Variants in BRCC3 observed in about 807,000 individuals in gnomAD.
The protein encoded by BRCC3 is BRCA1/BRCA2-containing complex subunit 3, also known as lys-63-specific deubiquitinase BRCC36.
Under a neutral mutation model 28.0 loss-of-function variants are expected in BRCC3, and 15 were observed. The observed-to-expected ratio is 0.54, with a 90% CI of 0.36 to 0.82. BRCC3 has a LOEUF of 0.82. BRCC3 is among the 40% of genes least tolerant of loss of function. The pLI is 0.01. For synonymous variants in BRCC3, 66 were observed against 80.3 expected (o/e 0.82, Z 0.95); for missense variants, 109 against 225.9 (o/e 0.48, Z 3.32).
chrX:155,083,200 A>G (rs782691880), intron 5 of BRCC3, among the ~76,000 whole-genome samples: 1 of 112,544 alleles, frequency 8.9e-6, no homozygotes, highest in African/African-American at 3.2e-5. Context: ...GGCCATGCCA[A>G]TTTGTAATAA....
chrX:155,085,384 G>A (rs782222921), intron 5 of BRCC3, among the ~76,000 whole-genome samples: 6 of 112,433 alleles, frequency 5.3e-5, no homozygotes, highest in Non-Finnish European at 9.4e-5. Flanking sequence ...CCACAAAGGG[G>A]CCCAGTGCAT....
At chrX:155,074,625 C>G (rs948658395) in intron 3 of BRCC3, among the ~76,000 whole-genome samples, 23 of 112,037 alleles carry the variant, frequency 2.1e-4, no homozygotes, top group Admixed American at 8.5e-4. Context: ...AAACAATTCA[C>G]CCTGGGCATC....
chrX:155,105,239 T>G (rs1447800236), intron 7 of BRCC3, among the ~76,000 whole-genome samples: 1 of 111,914 alleles, frequency 8.9e-6, no homozygotes, highest in Non-Finnish European at 1.9e-5. Context: ...TCCCAGCACT[T>G]TGGGAGGCCG....
chrX:155,093,385 G>A (rs1273731017), intron 7 of BRCC3, among the ~76,000 whole-genome samples: 4 of 109,195 alleles, frequency 3.7e-5, no homozygotes, highest in Non-Finnish European at 7.6e-5. Context: ...AATTACTTCC[G>A]TTACTCCCCA....
chrX:155,118,251 C>G (rs1160650563), intron 9 of BRCC3, among the ~76,000 whole-genome samples: 1 of 111,937 alleles, frequency 8.9e-6, no homozygotes, highest in Non-Finnish European at 1.9e-5. Context: ...AAAGAACAAA[C>G]TACTGAAACA....
At chrX:155,113,970 A>G (rs1440972344) in intron 7 of BRCC3, among the ~76,000 whole-genome samples, 2 of 111,587 alleles carry the variant, frequency 1.8e-5, no homozygotes, top group Non-Finnish European at 3.8e-5. Context: ...TCAGAAAATA[A>G]CAAGTGTTGG....
At chrX:155,074,332 A>G (rs1557293067) in intron 3 of BRCC3, among the ~76,000 whole-genome samples, 1 of 112,253 alleles carries the variant, frequency 8.9e-6, no homozygotes, top group African/African-American at 3.2e-5. Context: ...TCTTAAAAGA[A>G]TGGGCTACAA....
At position 155,122,117 on chromosome X, in the gene BRCC3, G is replaced by A. The variant is rs1311821987; in HGVS notation, c.*913G>A. Reference sequence around the variant, plus strand: ...ACTCCAACCTGTGTAACAGAGTGAGGCCTCATCTCAAAAAAAAAAAAAGGC... The same window carrying A: ...ACTCCAACCTGTGTAACAGAGTGAGACCTCATCTCAAAAAAAAAAAAAGGC... On this transcript the variant is annotated 3_prime_UTR_variant, in exon 11 of 11. Transcript: ENST00000330045. 3 of 103,504 alleles carry A rather than the reference G, an allele frequency of 2.9e-5. No individual in the cohort carries two copies. The highest frequency in any genetic ancestry group is 7.2e-5 in the African/African-American group (2 of 27,825). 8.5% of individuals were successfully genotyped at this position (103,504 alleles called of 1,213,427 possible).
At chrX:155,077,007 G>C (rs1173640527) in intron 3 of BRCC3, among the ~76,000 whole-genome samples, 163 bp from the exon 4 acceptor site, 1 of 111,988 alleles carries the variant, frequency 8.9e-6, no homozygotes, top group East Asian at 2.8e-4. Context: ...TATTGAGGTT[G>C]GGTGTCTTTT....
chrX:155,098,153 G>A (rs2074223179), intron 7 of BRCC3, among the ~76,000 whole-genome samples: 1 of 111,829 alleles, frequency 8.9e-6, no homozygotes, highest in Non-Finnish European at 1.9e-5. Flanking sequence ...GTGAAAACCA[G>A]GTTTATTTTC....
At chrX:155,083,278 CCTA>C (rs2074097102) in intron 5 of BRCC3, among the ~76,000 whole-genome samples, 1 of 112,398 alleles carries the variant, frequency 8.9e-6, no homozygotes, top group Admixed American at 9.4e-5. Context: ...TCAGTATGCT[CCTA>C]CTTTTTGCAA....
chrX:155,109,659 T>C (rs2074307790), intron 7 of BRCC3, among the ~76,000 whole-genome samples: 1 of 111,791 alleles, frequency 8.9e-6, no homozygotes, highest in Non-Finnish European at 1.9e-5. Context: ...TTAATCCTAA[T>C]GATTTATCTG....
At chrX:155,117,277 G>A (rs1557298950) in intron 9 of BRCC3, among the ~76,000 whole-genome samples, 2 of 112,106 alleles carry the variant, frequency 1.8e-5, no homozygotes. Flanking sequence ...AAAAGGGAAG[G>A]CATGAGGGAG....
intron 5 of BRCC3, among the ~76,000 whole-genome samples, chrX:155,087,844 A>G (rs1204899451): frequency 8.9e-6 from 1 of 112,218 alleles, no homozygotes; most frequent in Non-Finnish European, 1.9e-5. Flanking sequence ...TGATGGGCAC[A>G]GTAGTTGTTA....
chrX:155,120,444 T>C (rs782233740), intron 10 of BRCC3, among the ~76,000 whole-genome samples: 1 of 112,467 alleles, frequency 8.9e-6, no homozygotes, highest in East Asian at 2.8e-4. Context: ...CTGGGGGGTA[T>C]ATTTTAAACA....
At chrX:155,079,803 A>G (rs368081894) in intron 5 of BRCC3, among the ~76,000 whole-genome samples, 5 of 111,274 alleles carry the variant, frequency 4.5e-5, no homozygotes, top group African/African-American at 1.6e-4. Flanking sequence ...ACATATATGT[A>G]TATACGTGTG....
intron 3 of BRCC3, among the ~76,000 whole-genome samples, chrX:155,075,263 A>AACT (rs1557293332): frequency 5.7e-5 from 3 of 52,396 alleles, no homozygotes; most frequent in Admixed American, 2.0e-4. Context: ...TGTCCCTTCA[A>AACT]CATCTGATAA....
intron 4 of BRCC3, among the ~76,000 whole-genome samples, chrX:155,077,560 C>T (rs2074054341): frequency 9.0e-6 from 1 of 111,703 alleles, no homozygotes; most frequent in Non-Finnish European, 1.9e-5. Context: ...CCTCCATCTT[C>T]CTCCCTAGTC....
chrX:155,108,503 T>C (rs2074298703), intron 7 of BRCC3, among the ~76,000 whole-genome samples: 1 of 112,412 alleles, frequency 8.9e-6, no homozygotes, highest in African/African-American at 3.2e-5. Flanking sequence ...TTCACATCCT[T>C]GCCAACAGTG....
Sources: allele counts gnomAD v4.1 joint callset (sites outside exome capture counted in the v4.1 genomes callset), GRCh38; gene constraint gnomAD v4.1.1; transcripts MANE v1.5; gene names NCBI Gene and HGNC (gene_info 2026-07-23, HGNC 2026-07-21).